The following ZC3H13 variants were observed in gnomAD, a reference collection of about 807,000 sequenced individuals.
The protein encoded by ZC3H13 is zinc finger CCCH-type containing 13, also known as zinc finger CCCH domain-containing protein 13.
Under a neutral mutation model 204.1 loss-of-function variants are expected in ZC3H13, and 64 were observed. The observed-to-expected ratio is 0.31, with a 90% CI of 0.26 to 0.39. The LOEUF (loss-of-function observed/expected upper bound fraction) is 0.39, where lower values mean the gene tolerates loss of function less well. ZC3H13 is among the 10% of genes least tolerant of loss of function. The probability of loss-of-function intolerance (pLI) is 1.00; values close to 1 mark genes in which losing one functional copy is unlikely to be tolerated. For missense variants in ZC3H13, 1,833 were observed against 2,082.7 expected (o/e 0.88, Z 2.33); for synonymous variants, 667 against 693.7 (o/e 0.96, Z 0.60).
At chr13:45,997,559 A>G (rs2138413009) in intron 8 of ZC3H13, among the ~76,000 whole-genome samples, 1 of 152,348 alleles carries the variant, frequency 6.6e-6, no homozygotes, top group East Asian at 1.9e-4. Context: ...AGAACGTTGG[A>G]CAACTGAGAC....
chr13:45,980,745 TGGGGCCA>T (rs1005145261), intron 10 of ZC3H13, among the ~76,000 whole-genome samples: 18 of 152,092 alleles, frequency 1.2e-4, no homozygotes, highest in African/African-American at 3.6e-4. Flanking sequence ...TGCCAGGGGT[TGGGGCCA>T]GGGGCCAGGG....
Position 46,018,236 on chromosome 13 carries a change from A to G in ZC3H13, c.448+2213T>C, listed in dbSNP as rs2042026910. Reference sequence around the variant, plus strand: ...CAAGTACATCTCCATTTATTCTGCAATGAGGAGGTCATTAGTGACTTTGAA... The same window carrying G: ...CAAGTACATCTCCATTTATTCTGCAGTGAGGAGGTCATTAGTGACTTTGAA... On this transcript the variant is annotated intron_variant, in intron 5 of 18. Transcript: ENST00000679008. Among the ~76,000 whole-genome samples the G allele has an allele frequency of 1.3e-5, 2 of 152,172 alleles. 1 individual carries two copies. The highest frequency in any genetic ancestry group is 4.8e-5 in the African/African-American group (2 of 41,442).
chr13:46,048,790 C>A (rs1034302887), intron 1 of ZC3H13, among the ~76,000 whole-genome samples: 1 of 151,876 alleles, frequency 6.6e-6, no homozygotes, highest in South Asian at 2.1e-4. Flanking sequence ...ATTTCACTTG[C>A]AGCTACTACT....
At chr13:45,975,016 T>G (rs1338300604) in intron 12 of ZC3H13, among the ~76,000 whole-genome samples, 2 of 152,022 alleles carry the variant, frequency 1.3e-5, no homozygotes, top group Admixed American at 1.3e-4. Context: ...CGGCTAATTT[T>G]TGTATTTTCT....
At position 45,969,950 on chromosome 13, in the gene ZC3H13, C is replaced by T; in HGVS notation, c.2594G>A (p.Ser865Asn). 6.2e-7 allele frequency: 1 copy of T among 1,609,392 alleles called. No homozygotes were observed. Among genetic ancestry groups the T allele is most frequent in the Non-Finnish European group, 8.5e-7 (1 of 1,178,912 alleles). Residue 865 changes from serine (S) to asparagine (N), a missense_variant, in exon 14 of 19, where the codon AGC (serine) becomes AAC (asparagine). Ser to Asn is a conservative substitution (Grantham distance 46). Around this residue, in one of 5 missense-constraint regions of ZC3H13, gnomAD observed 1,574 missense variants for 1,757.2 expected, o/e 0.90. Transcript: ENST00000679008. ...DDKNEKHRLL[S>N]QVVRPQESRS... Reference sequence around the variant, plus strand: ...AGATTCTTGAGGTCGTACAACTTGGCTCAAGAGTCTGTGTTTTTCATCTAT... The same window carrying T: ...AGATTCTTGAGGTCGTACAACTTGGTTCAAGAGTCTGTGTTTTTCATCTAT...
chr13:46,009,139 G>C (rs991368524), intron 7 of ZC3H13, among the ~76,000 whole-genome samples: 5 of 152,124 alleles, frequency 3.3e-5, no homozygotes. Context: ...GTTCCATAAA[G>C]AGAAATGGGA....
intron 4 of ZC3H13, among the ~76,000 whole-genome samples, chr13:46,028,094 T>C (rs1430984138): frequency 6.6e-6 from 1 of 151,814 alleles, no homozygotes; most frequent in Non-Finnish European, 1.5e-5. Context: ...AACCCACATA[T>C]AAACACATAT....
At chr13:45,972,661 C>A (rs957257795) in intron 12 of ZC3H13, among the ~76,000 whole-genome samples, 1 of 152,132 alleles carries the variant, frequency 6.6e-6, no homozygotes, top group Admixed American at 6.6e-5. Flanking sequence ...GTGGAGAAGG[C>A]CCCAGGTGTA....
intron 3 of ZC3H13, among the ~76,000 whole-genome samples, chr13:46,043,666 C>CA (rs1019490825): frequency 2.0e-5 from 3 of 151,116 alleles, no homozygotes; most frequent in South Asian, 2.1e-4. Flanking sequence ...TTCCTCCCGA[C>CA]AAAAAAAATG....
At chr13:46,030,181 A>C (rs2042804694) in intron 4 of ZC3H13, among the ~76,000 whole-genome samples, 1 of 59,658 alleles carries the variant, frequency 1.7e-5, no homozygotes, top group Non-Finnish European at 3.1e-5. Context: ...TCCAACACTC[A>C]GACTAATAAA....
At chr13:46,045,273 A>G (rs1419948521) in intron 2 of ZC3H13, 118 bp downstream of exon 2, 14 of 1,055,856 alleles carry the variant, frequency 1.3e-5, no homozygotes, top group Non-Finnish European at 1.8e-5. Context: ...ACACTTTAAA[A>G]AATTTACTGA....
intron 1 of ZC3H13, among the ~76,000 whole-genome samples, chr13:46,048,457 T>C (rs2044146482): frequency 6.6e-6 from 1 of 151,846 alleles, no homozygotes; most frequent in Admixed American, 6.6e-5. Context: ...GGCAGGCGCC[T>C]GTAGTCCCAG....
Position 46,045,008 on chromosome 13 carries a change from T to A in ZC3H13, c.174A>T (p.Arg58Ser). The change falls in exon 3 of 19, where the codon AGA becomes AGT. Residue 58 changes from arginine (R) to serine (S), a missense_variant. Arg to Ser is a moderately radical substitution (Grantham distance 110). Coordinates refer to ENST00000679008, the MANE Select transcript of ZC3H13 (RefSeq NM_001330564.2). ...CACGAGGTGAAGGGCCATGTACGAA[T>A]CTACATGTGTTTCCATAGAGGCAGT... ...TGNCLYGNTC[R>S]FVHGPSPRGK... is the part of the protein sequence containing the mutation. 6.2e-7 allele frequency: 1 copy of A among 1,613,770 alleles called. No homozygotes were observed. Among genetic ancestry groups the A allele is most frequent in the East Asian group, 2.2e-5 (1 of 44,854 alleles).
At position 45,965,381 on chromosome 13, in the gene ZC3H13, G is replaced by A; in HGVS notation, c.4373C>T (p.Ala1458Val). The change falls in exon 16 of 19, where the codon GCT becomes GTT. Residue 1458 changes from alanine to valine, a missense_variant. Physicochemically the swap from Ala to Val is moderately conservative, Grantham distance 64 (BLOSUM62 0). Coordinates refer to ENST00000679008, the MANE Select transcript of ZC3H13 (RefSeq NM_001330564.2). Reference protein sequence around the residue: ...LDDAHSLGSGAGEGYEPISDD... With the variant: ...LDDAHSLGSGVGEGYEPISDD... ...ACTGATTGGCTCGTATCCTTCTCCA[G>A]CACCAGAGCCTAATGAATGTGCATC... 6.2e-7 allele frequency: 1 copy of A among 1,613,538 alleles called. No individual in the cohort carries two copies. Among genetic ancestry groups the A allele is most frequent in the Non-Finnish European group, 8.5e-7 (1 of 1,179,724 alleles).
rs771642094 is a variant in ZC3H13, at chr13:46,003,180, T to C, written c.903A>G (p.Gly301=). Residue 301 remains glycine (G), a synonymous_variant, in exon 8 of 19, where the codon GGA becomes GGG. Coordinates refer to ENST00000679008, the MANE Select transcript of ZC3H13 (RefSeq NM_001330564.2). ...TTTCTCTTTGTCGTTCAAAATCTCG[T>C]CCTCTGTCCTTTCCATCTCTTGTTT... The part of the protein sequence containing the change: ...EEKTRDGKDR[G]RDFERQREKR... The C allele has an allele frequency of 6.2e-7, 1 of 1,612,296 alleles. No individual in the cohort carries two copies. The highest frequency in any genetic ancestry group is 8.5e-7 in the Non-Finnish European group (1 of 1,179,758).
intron 17 of ZC3H13, among the ~76,000 whole-genome samples, chr13:45,960,980 T>C (rs965764887): frequency 7.2e-5 from 11 of 152,160 alleles, no homozygotes; most frequent in African/African-American, 1.4e-4. Flanking sequence ...GGTGTAAATA[T>C]ATAGAAAAGC....
chr13:46,027,245 C>T (rs955838901), intron 4 of ZC3H13, among the ~76,000 whole-genome samples: 3 of 152,140 alleles, frequency 2.0e-5, no homozygotes, highest in Non-Finnish European at 2.9e-5. Context: ...GCTGGGACTA[C>T]AGGCACACAC....
At position 45,969,631 on chromosome 13, in the gene ZC3H13, T is replaced by C. The variant is rs748258837; in HGVS notation, c.2913A>G (p.Lys971=). ...CCCTCTCTATTCCAACATCATCCTC[T>C]TTCTTTTTCTTAATTGGTTTCTTTT... ...KIQKKPIKKK[K]EDDVGIERGN... Residue 971 remains lysine (K), a synonymous_variant, in exon 14 of 19, where the codon AAA becomes AAG. Transcript: ENST00000679008. 7.5e-6 allele frequency: 12 copies of C among 1,609,524 alleles called. No individual in the cohort carries two copies. In the African/African-American group the frequency reaches 1.5e-4, roughly 20 times the overall value.
At chr13:46,020,648 A>G (rs2042167270) in intron 4 of ZC3H13, 91 bp from the exon 5 acceptor site, 1 of 814,898 alleles carries the variant, frequency 1.2e-6, no homozygotes, top group South Asian at 1.9e-5. Context: ...AATTTCATTC[A>G]TCTCTGTTTC....
Sources: gnomAD v4.1 joint callset for allele counts (sites outside exome capture counted in the v4.1 genomes callset) on GRCh38, gnomAD v4.1.1 for gene constraint, gnomAD v4.1.1 regional missense constraint, MANE v1.5 for transcripts, NCBI Gene and HGNC (gene_info 2026-07-23, HGNC 2026-07-21) for gene names.